Variants in DLGAP1 observed in about 807,000 individuals in gnomAD.
DLGAP1 encodes the protein disks large-associated protein 1.
DLGAP1 carries 11 observed loss-of-function variants against 90.8 expected under a neutral mutation model. The ratio of observed to expected loss-of-function variants is 0.12; its 90% CI spans 0.08 to 0.20. DLGAP1 has a LOEUF of 0.20. DLGAP1 is among the 10% of genes least tolerant of loss of function. The pLI, the probability that DLGAP1 is intolerant of heterozygous loss-of-function variation, is 1.00. For synonymous variants in DLGAP1, 558 were observed against 540.7 expected, an observed-to-expected ratio of 1.03 and a Z score of -0.44; for missense variants, 1,050 against 1,333.8, an observed-to-expected ratio of 0.79 and a Z score of 3.31.
At chr18:4,071,881 C>T (rs539458886) in intron 2 of DLGAP1, among the ~76,000 whole-genome samples, 1 of 152,278 alleles carries the variant, frequency 6.6e-6, no homozygotes, top group South Asian at 2.1e-4. Flanking sequence ...CCCATTGTTC[C>T]TAAGTATATT....
intron 2 of DLGAP1, among the ~76,000 whole-genome samples, chr18:4,074,852 A>G (rs927772276): frequency 6.6e-5 from 10 of 152,174 alleles, no homozygotes; most frequent in Non-Finnish European, 1.5e-4. Context: ...AATACATCTC[A>G]TACTGGAATA....
At chr18:3,982,514 A>T (rs1314484036) in intron 3 of DLGAP1, among the ~76,000 whole-genome samples, 1 of 152,150 alleles carries the variant, frequency 6.6e-6, no homozygotes, top group African/African-American at 2.4e-5. Flanking sequence ...CAGACTTGTG[A>T]TTTGGTGCTG....
At chr18:4,200,906 T>C (rs888238397) in intron 1 of DLGAP1, among the ~76,000 whole-genome samples, 2 of 152,156 alleles carry the variant, frequency 1.3e-5, no homozygotes, top group Non-Finnish European at 2.9e-5. Context: ...AGGTGGGAAA[T>C]ATAGGGATCT....
chr18:3,815,568 C>T (rs1043787528), intron 4 of DLGAP1, among the ~76,000 whole-genome samples: 2 of 152,040 alleles, frequency 1.3e-5, no homozygotes, highest in African/African-American at 4.8e-5. Context: ...CTGTGGATAC[C>T]ACAACAAAAT....
intron 1 of DLGAP1, among the ~76,000 whole-genome samples, chr18:4,401,864 A>G (rs746027504): frequency 6.6e-6 from 1 of 152,266 alleles, no homozygotes; most frequent in Non-Finnish European, 1.5e-5. Flanking sequence ...TGCATGCTTT[A>G]AAATACATAC....
chr18:3,786,343 T>C (rs1167864620), intron 5 of DLGAP1, among the ~76,000 whole-genome samples: 1 of 152,154 alleles, frequency 6.6e-6, no homozygotes, highest in African/African-American at 2.4e-5. Flanking sequence ...ACGATGATGA[T>C]GACTAGATAG....
rs1446115819 is a variant in DLGAP1, at chr18:3,587,801, C to G, written c.1592-5553G>C. Among the ~76,000 whole-genome samples the G allele has an allele frequency of 3.3e-5, 5 of 152,282 alleles. No homozygotes were observed. The East Asian group carries it at 9.6e-4, about 29-fold the overall frequency. ...ACTCCGCACACACCAGCTTTAAGAG[C>G]TGTAACACTCACCATGAGGGTCCGC... On this transcript the variant is annotated intron_variant, in intron 7 of 12. Coordinates refer to ENST00000315677, the MANE Select transcript of DLGAP1 (RefSeq NM_004746.4).
At chr18:3,855,833 G>C (rs1241959351) in intron 4 of DLGAP1, among the ~76,000 whole-genome samples, 1 of 152,100 alleles carries the variant, frequency 6.6e-6, no homozygotes, top group African/African-American at 2.4e-5. Flanking sequence ...GGCTGGTCTG[G>C]AACTCCTGAC....
rs1180011304 is a variant in DLGAP1 at position 3,994,390 on chromosome 18, C to A, written c.-73+10726G>T. Among the ~76,000 whole-genome samples the A allele has an allele frequency of 1.5e-4, 23 of 152,162 alleles. 1 individual carries two copies. Among genetic ancestry groups the A allele is most frequent in the Admixed American group, 1.5e-3 (23 of 15,278 alleles). ...CTGTGCTTGTCTCTGGGTACCTCGG[C>A]CTCTCTGGCTGTATTTTCTTAACCC... On this transcript the variant is annotated intron_variant, in intron 3 of 12. Coordinates refer to ENST00000315677, the MANE Select transcript of DLGAP1 (RefSeq NM_004746.4).
At chr18:3,805,027 G>A (rs544141459) in intron 5 of DLGAP1, among the ~76,000 whole-genome samples, 48 of 152,248 alleles carry the variant, frequency 3.2e-4, no homozygotes, top group African/African-American at 1.1e-3. Context: ...CCATTAGATC[G>A]CAAGTTCTGT....
intron 2 of DLGAP1, among the ~76,000 whole-genome samples, chr18:4,073,986 AC>A (rs2075488354): frequency 6.6e-6 from 1 of 152,200 alleles, no homozygotes; most frequent in East Asian, 1.9e-4. Flanking sequence ...ACATTGGAGA[AC>A]ATTCTTCATA....
intron 1 of DLGAP1, among the ~76,000 whole-genome samples, chr18:4,180,701 T>G (rs1364094813): frequency 1.3e-5 from 2 of 152,244 alleles, no homozygotes; most frequent in Non-Finnish European, 2.9e-5. Context: ...CTCTATCATT[T>G]GTGTTCCGTT....
At position 4,393,389 on chromosome 18, in the gene DLGAP1, G is replaced by C. The variant is rs115269284; in HGVS notation, c.-267+61617C>G. 9.5e-3 allele frequency among the ~76,000 whole-genome samples: 1,446 copies of C among 151,972 alleles called. 21 individuals are homozygous for C. The highest frequency in any genetic ancestry group is 0.034 in the African/African-American group (1,390 of 41,438). ...GTGAACATGCCAGTCTCTTTCCCACGCAAGAGCCTTTTCACACTCTCTGTA... is the reference window on the plus strand; with the variant it reads ...GTGAACATGCCAGTCTCTTTCCCACCCAAGAGCCTTTTCACACTCTCTGTA... On this transcript the variant is annotated intron_variant, in intron 1 of 12. Coordinates refer to ENST00000315677, the MANE Select transcript of DLGAP1 (RefSeq NM_004746.4).
At chr18:4,091,802 T>G (rs1295785712) in intron 2 of DLGAP1, among the ~76,000 whole-genome samples, 1 of 152,220 alleles carries the variant, frequency 6.6e-6, no homozygotes, top group Non-Finnish European at 1.5e-5. Flanking sequence ...CTTTAACATA[T>G]TAAACATGGT....
At chr18:3,726,044 T>C (rs1201571043) in intron 7 of DLGAP1, among the ~76,000 whole-genome samples, 3 of 152,254 alleles carry the variant, frequency 2.0e-5, no homozygotes, top group Non-Finnish European at 2.9e-5. Context: ...TGTGGATTGC[T>C]GTGGAGAGAA....
At chr18:3,638,239 G>T (rs1255005565) in intron 7 of DLGAP1, among the ~76,000 whole-genome samples, 1 of 142,554 alleles carries the variant, frequency 7.0e-6, no homozygotes, top group African/African-American at 2.7e-5. Context: ...GAGCCACCGT[G>T]CCCGGCCCTT....
intron 2 of DLGAP1, among the ~76,000 whole-genome samples, chr18:4,007,375 G>T (rs1009267482): frequency 2.6e-5 from 4 of 152,056 alleles, no homozygotes; most frequent in Non-Finnish European, 5.9e-5. Context: ...TTCATTGCTG[G>T]CCGGGTGCAG....
chr18:4,223,515 C>T (rs2078122575), intron 1 of DLGAP1, among the ~76,000 whole-genome samples: 1 of 152,136 alleles, frequency 6.6e-6, no homozygotes, highest in African/African-American at 2.4e-5. Context: ...AGTATCATCG[C>T]ATTTGTTTAC....
At chr18:4,363,957 G>GT (rs1265764429) in intron 1 of DLGAP1, among the ~76,000 whole-genome samples, 1 of 151,708 alleles carries the variant, frequency 6.6e-6, no homozygotes, top group Non-Finnish European at 1.5e-5. Flanking sequence ...ATATGCACAC[G>GT]TATGTTTATT....
Sources: gnomAD v4.1 joint callset for allele counts (sites outside exome capture counted in the v4.1 genomes callset) on GRCh38, gnomAD v4.1.1 for gene constraint, MANE v1.5 for transcripts, NCBI Gene and HGNC (gene_info 2026-07-23, HGNC 2026-07-21) for gene names.